The following RNF207 variants were observed in gnomAD, a reference collection of about 807,000 sequenced individuals.
RNF207 encodes the protein OTTHUMG00000001089.
In RNF207, 72 loss-of-function variants were observed where a neutral mutation model predicts 79.0. The observed-to-expected ratio is 0.91, with a 90% CI of 0.75 to 1.11. The LOEUF is 1.11. Among genes scored for constraint, RNF207 ranks in the 50% least tolerant of loss-of-function variants. The pLI, the probability that RNF207 is intolerant of heterozygous loss-of-function variation, is 0.00. For missense variants in RNF207, 936 were observed against 855.8 expected, an observed-to-expected ratio of 1.09 and a Z score of -1.17; for synonymous variants, 348 against 366.2, an observed-to-expected ratio of 0.95 and a Z score of 0.57.
chr1:6,212,976 C>G, intron 15 of RNF207, 90 bp from the exon 16 acceptor site: 1 of 898,970 alleles, frequency 1.1e-6, no homozygotes, highest in South Asian at 1.5e-5. Context: ...TGGAAATGGT[C>G]GGGATATTTA....
chr1:6,209,147 A>G lies in RNF207; in HGVS notation c.502A>G (p.Thr168Ala). The G allele has an allele frequency of 6.4e-7, 1 of 1,557,874 alleles. No homozygotes were observed. The highest frequency in any genetic ancestry group is 8.7e-7 in the Non-Finnish European group (1 of 1,150,312). ...CGCAGAGCCCTACCTCTTGTTCTCC[A>G]CCGACAAGAAGTTGCTGTTGTGCAT... Reference protein sequence around the residue: ...LHAEPYLLFSTDKKLLLCIRC... With the variant: ...LHAEPYLLFSADKKLLLCIRC... Residue 168 changes from threonine (T) to alanine (A), a missense_variant, in exon 5 of 18, where the codon ACC becomes GCC. By Grantham distance (58) the Thr-to-Ala change is moderately conservative. Transcript: ENST00000377939.
intron 5 of RNF207, 21 bp downstream of exon 5, chr1:6,209,217 G>A: frequency 5.8e-6 from 9 of 1,550,856 alleles, no homozygotes; most frequent in Non-Finnish European, 7.8e-6. Context: ...GGGACGCGAG[G>A]GGAGGGGGCT....
At chr1:6,209,060 T>TGGGGGGGGGGGGTGGGGGGGGGGG in intron 4 of RNF207, 35 bp downstream of exon 4, 1 of 210,392 alleles carries the variant, frequency 4.8e-6, no homozygotes, top group Non-Finnish European at 8.2e-6. Context: ...GACTTGGGGG[T>TGGGGGGGGGGGGTGGGGGGGGGGG]GGGGGCGGGG....
chr1:6,220,518 T>C lies in RNF207; in HGVS notation c.*1111T>C, dbSNP rs950167378. The C allele has an allele frequency of 2.0e-5, 3 of 152,218 alleles. No homozygotes were observed. Among genetic ancestry groups the C allele is most frequent in the African/African-American group, 7.2e-5 (3 of 41,452 alleles). The allele number at this position is 152,218 out of a possible 1,614,324, so 9.4% of individuals were successfully genotyped here. ...ACACAGTAATCTGAGCAGTGACTCA[T>C]GGAAGGATGAGGAACGTTTGCTCCA... is the stretch of plus-strand genomic sequence containing the variant. On this transcript the variant is annotated 3_prime_UTR_variant, in exon 18 of 18. Coordinates refer to ENST00000377939, the MANE Select transcript of RNF207 (RefSeq NM_207396.3).
In RNF207 at chr1:6,207,320, G is replaced by T. The variant is rs1667948613; in HGVS notation, c.192-59G>T. On this transcript the variant is annotated intron_variant, in intron 2 of 17. Transcript: ENST00000377939. The surrounding 1 kb of genome is among the most constrained non-coding windows in gnomAD (Gnocchi z 4.5). Reference sequence around the variant, plus strand: ...AGCTCCAGCCTGGAATGTGAGGGGTGGGGGTGGGGAGCCCTGGGGAAGGGG... The same window carrying T: ...AGCTCCAGCCTGGAATGTGAGGGGTTGGGGTGGGGAGCCCTGGGGAAGGGG... The T allele has an allele frequency of 6.7e-7, 1 of 1,482,672 alleles. No homozygotes were observed. The highest frequency in any genetic ancestry group is 9.0e-7 in the Non-Finnish European group (1 of 1,110,454). The allele number at this position is 1,482,672 out of a possible 1,614,324, so 91.8% of individuals were successfully genotyped here.
Position 6,219,316 on chromosome 1 carries a change from CAGAAG to C in RNF207, c.1817_1821del (p.Glu606AlafsTer107), listed in dbSNP as rs761805493. On this transcript the variant is annotated frameshift_variant, in exon 18 of 18. Coordinates refer to ENST00000377939, the MANE Select transcript of RNF207 (RefSeq NM_207396.3). LOFTEE classifies it low-confidence loss of function (END_TRUNC). ...AACAGCTGGGCTCCGAACGGCCTCT[CAGAAG>C]AGCCTCTACTGAAAAATATGGATCA... 5 of 1,613,556 alleles carry C rather than the reference CAGAAG, an allele frequency of 3.1e-6. No homozygotes were observed. Among genetic ancestry groups the C allele is most frequent in the Non-Finnish European group, 4.2e-6 (5 of 1,179,792 alleles).
At position 6,213,147 on chromosome 1, in the gene RNF207, G is replaced by A. The variant is rs201773865; in HGVS notation, c.1616G>A (p.Arg539His). 683 of 1,612,930 alleles carry A rather than the reference G, an allele frequency of 4.2e-4. 6 individuals are homozygous for A. The East Asian group carries it at 8.5e-3, about 20-fold the overall frequency. ...ACCAAGCAGATCACGCCCTACGTCC[G>A]CTCCATTGCCAAGGTGAAGGAGCGG... ...TITKQITPYV[R>H]SIAKVKERLE... is the part of the protein sequence containing the mutation. Residue 539 changes from arginine (R) to histidine (H), a missense_variant, in exon 16 of 18, where the codon CGC becomes CAC. Physicochemically the swap from Arg to His is conservative, Grantham distance 29 (BLOSUM62 0). Coordinates refer to ENST00000377939, the MANE Select transcript of RNF207 (RefSeq NM_207396.3).
chr1:6,206,210 G>C lies in RNF207; in HGVS notation c.-93G>C, dbSNP rs1218545708. 3.4e-6 allele frequency: 1 copy of C among 296,194 alleles called. No homozygotes were observed. The highest frequency in any genetic ancestry group is 6.2e-6 in the Non-Finnish European group (1 of 160,688). 18.3% of individuals were successfully genotyped at this position (296,194 alleles called of 1,614,324 possible). A position where few individuals can be genotyped will look rare whatever the true frequency, so the allele number is the denominator to read the frequency against. ...CTCCTCGGCAGAGCGACCGCGCGGTGTCTCAGAGCGCGGCCCGGAGCCGCA... is the reference window on the plus strand; with the variant it reads ...CTCCTCGGCAGAGCGACCGCGCGGTCTCTCAGAGCGCGGCCCGGAGCCGCA... On this transcript the variant is annotated 5_prime_UTR_variant, in exon 1 of 18. Coordinates refer to ENST00000377939, the MANE Select transcript of RNF207 (RefSeq NM_207396.3).
In RNF207 at chr1:6,206,265, T is replaced by G; in HGVS notation, c.-38T>G. ...GAGCGCTGGACGGCGGGAGAGAGGC[T>G]CGGAGGACCGGTAGCTCCCAGCAAA... On this transcript the variant is annotated 5_prime_UTR_variant, in exon 1 of 18. Coordinates refer to ENST00000377939, the MANE Select transcript of RNF207 (RefSeq NM_207396.3). 4.8e-6 allele frequency: 2 copies of G among 417,582 alleles called. No homozygotes were observed. The highest frequency in any genetic ancestry group is 4.2e-6 in the Non-Finnish European group (1 of 236,070). 25.9% of individuals were successfully genotyped at this position (417,582 alleles called of 1,614,324 possible).
At position 6,211,478 on chromosome 1, in the gene RNF207, C is replaced by G. The variant is rs1416595136; in HGVS notation, c.1109+360C>G. Among the ~76,000 whole-genome samples the G allele has an allele frequency of 6.6e-6, 1 of 152,142 alleles. No individual in the cohort carries two copies. The highest frequency in any genetic ancestry group is 2.4e-5 in the African/African-American group (1 of 41,438). The stretch of plus-strand genomic sequence containing the variant: ...GCCTGAGGTCATAGGGGGCCTGATT[C>G]CTGGACTCATCTGGAGAGGAGTTAG... On this transcript the variant is annotated intron_variant, in intron 12 of 17. Transcript: ENST00000377939. The surrounding 1 kb of genome is among the most constrained non-coding windows in gnomAD (Gnocchi z 4.2).
At chr1:6,215,363 G>A (rs1171169890) in intron 16 of RNF207, among the ~76,000 whole-genome samples, 1 of 137,446 alleles carries the variant, frequency 7.3e-6, no homozygotes, top group East Asian at 2.1e-4. Flanking sequence ...ATGGGGTCTT[G>A]CCATGTTGCC....
rs2100933220 is a variant in RNF207, at chr1:6,211,444, A to C, written c.1109+326A>C. Among the ~76,000 whole-genome samples the C allele has an allele frequency of 6.6e-6, 1 of 152,178 alleles. No homozygotes were observed. The highest frequency in any genetic ancestry group is 2.1e-4 in the South Asian group (1 of 4,826). On this transcript the variant is annotated intron_variant, in intron 12 of 17. Transcript: ENST00000377939. The surrounding 1 kb of genome is among the most constrained non-coding windows in gnomAD (Gnocchi z 4.2). The stretch of plus-strand genomic sequence containing the variant: ...GGCGCCTGGGGCTGGGCTGACCGCC[A>C]CCTAGGTGGCCTGAGGTCATAGGGG...
At chr1:6,214,193 A>G (rs1327331020) in intron 16 of RNF207, among the ~76,000 whole-genome samples, 2 of 152,116 alleles carry the variant, frequency 1.3e-5, no homozygotes, top group Non-Finnish European at 2.9e-5. Flanking sequence ...TCTAGCTTCC[A>G]TGGTTGTTGT....
intron 4 of RNF207, 28 bp downstream of exon 4, chr1:6,209,053 TTGGGGG>T: frequency 2.0e-6 from 1 of 509,016 alleles, no homozygotes; most frequent in Non-Finnish European, 3.6e-6. Flanking sequence ...GGCCGGGGAC[TTGGGGG>T]TGGGGGCGGG....
chr1:6,218,288 G>A lies in RNF207; in HGVS notation c.1653-1G>A. 2 of 1,613,242 alleles carry A rather than the reference G, an allele frequency of 1.2e-6. No homozygotes were observed. The highest frequency in any genetic ancestry group is 1.7e-6 in the Non-Finnish European group (2 of 1,179,180). ...GATTCTGGTGCCCACTCCCTTGCCA[G>A]GTTTCAGGCACCCGTGGATGAGCAG... On this transcript the variant is annotated splice_acceptor_variant, in intron 16 of 17. Transcript: ENST00000377939. LOFTEE classifies it high-confidence loss of function.
intron 3 of RNF207, 23 bp from the exon 4 acceptor site, chr1:6,208,858 C>A: frequency 6.6e-7 from 1 of 1,521,330 alleles, no homozygotes. Context: ...TCTGGCGCTC[C>A]TGAGCCCGCG....
Position 6,207,336 on chromosome 1 carries a change from G to A in RNF207, c.192-43G>A, listed in dbSNP as rs1368010141. The A allele has an allele frequency of 1.3e-6, 2 of 1,499,726 alleles. No homozygotes were observed. Among genetic ancestry groups the A allele is most frequent in the African/African-American group, 2.8e-5 (2 of 71,404 alleles). 92.9% of individuals were successfully genotyped at this position (1,499,726 alleles called of 1,614,324 possible). On this transcript the variant is annotated intron_variant, in intron 2 of 17. Coordinates refer to ENST00000377939, the MANE Select transcript of RNF207 (RefSeq NM_207396.3). This position sits in a 1 kb window ranked among gnomAD's most constrained non-coding sequence, Gnocchi z 4.5. ...GTGAGGGGTGGGGGTGGGGAGCCCT[G>A]GGGAAGGGGTATCAGAATCTCGGGG...
At chr1:6,212,900 T>G in intron 15 of RNF207, 166 bp from the exon 16 acceptor site, 1 of 774,044 alleles carries the variant, frequency 1.3e-6, no homozygotes, top group Non-Finnish European at 2.3e-6. Flanking sequence ...ATGATGCATG[T>G]GAGGTCAGGA....
Position 6,212,420 on chromosome 1 carries a change from G to A in RNF207, c.1482+4G>A, listed in dbSNP as rs1199634973. ...CATGAGGGTCGTCTTCCAGGAGGTA[G>A]CCCTCCCAAGGACTCTAACTCCAGC... On this transcript the variant is annotated splice_donor_region_variant and intron_variant, in intron 14 of 17. Transcript: ENST00000377939. 6 of 1,603,840 alleles carry A rather than the reference G, an allele frequency of 3.7e-6. No homozygotes were observed. Among genetic ancestry groups the A allele is most frequent in the South Asian group, 3.4e-5 (3 of 89,180 alleles).
Sources: gnomAD v4.1 joint callset for allele counts (sites outside exome capture counted in the v4.1 genomes callset) on GRCh38, gnomAD v4.1.1 for gene constraint, Gnocchi (gnomAD v3.1) non-coding constraint, MANE v1.5 for transcripts, NCBI Gene and HGNC (gene_info 2026-07-23, HGNC 2026-07-21) for gene names.